The following GPC3 variants were observed in gnomAD, a reference collection of about 807,000 sequenced individuals.
GPC3 encodes the protein glypican-3.
GPC3 carries 3 observed loss-of-function variants against 34.4 expected under a neutral mutation model. The observed-to-expected ratio is 0.09, with a 90% CI of 0.04 to 0.23. GPC3 has a LOEUF of 0.23. Among genes scored for constraint, GPC3 ranks in the 10% least tolerant of loss-of-function variants. The probability of loss-of-function intolerance (pLI) is 1.00; values close to 1 mark genes in which losing one functional copy is unlikely to be tolerated. For synonymous variants in GPC3, 177 were observed against 174.0 expected, an observed-to-expected ratio of 1.02 and a Z score of -0.13; for missense variants, 351 against 445.6, an observed-to-expected ratio of 0.79 and a Z score of 1.91.
At chrX:133,814,402 C>T (rs1251699121) in intron 2 of GPC3, among the ~76,000 whole-genome samples, 2 of 111,168 alleles carry the variant, frequency 1.8e-5, no homozygotes, top group Non-Finnish European at 3.8e-5. Flanking sequence ...AAAACTGAGG[C>T]TTGTCTGCTC....
At chrX:133,787,085 T>G (rs1289145897) in intron 2 of GPC3, among the ~76,000 whole-genome samples, 3 of 112,042 alleles carry the variant, frequency 2.7e-5, no homozygotes, top group Non-Finnish European at 5.6e-5. Flanking sequence ...CACAAAGCAG[T>G]AGGTTCTCAA....
At chrX:133,787,205 A>T (rs1233193726) in intron 2 of GPC3, among the ~76,000 whole-genome samples, 1 of 112,465 alleles carries the variant, frequency 8.9e-6, no homozygotes, top group African/African-American at 3.2e-5. Flanking sequence ...GAAAGAGAAG[A>T]TTAGAGCCTC....
At chrX:133,675,879 C>A (rs973104573) in intron 5 of GPC3, among the ~76,000 whole-genome samples, 1 of 112,584 alleles carries the variant, frequency 8.9e-6, no homozygotes, top group Non-Finnish European at 1.9e-5. Context: ...TTCTCAGCCA[C>A]AGAACTTTAG....
intron 3 of GPC3, among the ~76,000 whole-genome samples, chrX:133,701,631 G>A (rs2071168772): frequency 8.9e-6 from 1 of 112,073 alleles, no homozygotes; most frequent in Non-Finnish European, 1.9e-5. Flanking sequence ...GTATTTCCAC[G>A]CTATTCAGAA....
At chrX:133,924,469 T>G (rs992370817) in intron 2 of GPC3, among the ~76,000 whole-genome samples, 1 of 111,934 alleles carries the variant, frequency 8.9e-6, no homozygotes, top group African/African-American at 3.3e-5. Context: ...ATTCTGGAAG[T>G]GCTAATTACC....
At chrX:133,786,394 G>GAAAGA (rs1401149909) in intron 2 of GPC3, among the ~76,000 whole-genome samples, 1 of 112,157 alleles carries the variant, frequency 8.9e-6, no homozygotes, top group East Asian at 2.8e-4. Flanking sequence ...AAACTCTGCC[G>GAAAGA]AAAGAAAAGA....
intron 4 of GPC3, among the ~76,000 whole-genome samples, chrX:133,694,490 G>A (rs2071094517): frequency 9.0e-6 from 1 of 111,228 alleles, no homozygotes; most frequent in Non-Finnish European, 1.9e-5. Flanking sequence ...GCTAATAGGA[G>A]AGATGTTCTG....
At chrX:133,588,342 G>A (rs183862978) in intron 7 of GPC3, among the ~76,000 whole-genome samples, 1 of 110,563 alleles carries the variant, frequency 9.0e-6, no homozygotes, top group African/African-American at 3.3e-5. Flanking sequence ...AATGTATTCC[G>A]AGTTCTGCAT....
intron 6 of GPC3, among the ~76,000 whole-genome samples, chrX:133,658,972 G>T (rs760844838): frequency 9.0e-6 from 1 of 111,609 alleles, no homozygotes; most frequent in African/African-American, 3.3e-5. Flanking sequence ...AATTAGACTC[G>T]CAGAAAGTAC....
chrX:133,904,910 ATC>A (rs1306187783), intron 2 of GPC3, among the ~76,000 whole-genome samples: 1 of 112,379 alleles, frequency 8.9e-6, no homozygotes, highest in African/African-American at 3.2e-5. Context: ...GAAAGTTGAC[ATC>A]TAAGTGCAAA....
chrX:133,763,226 C>A (rs1014927008), intron 2 of GPC3: 127 of 573,634 alleles, frequency 2.2e-4, no homozygotes, highest in Middle Eastern at 9.5e-4. Context: ...AATCTTCCCA[C>A]CATTGCTCTG....
At chrX:133,763,242 C>T in intron 2 of GPC3, 1 of 562,856 alleles carries the variant, frequency 1.8e-6, no homozygotes, top group South Asian at 2.2e-5. Context: ...CTCTGTGTCA[C>T]ACAGATTCTC....
chrX:133,612,169 C>T (rs2070119483), intron 6 of GPC3, among the ~76,000 whole-genome samples: 1 of 111,956 alleles, frequency 8.9e-6, no homozygotes, highest in Non-Finnish European at 1.9e-5. Flanking sequence ...TGGCCTTGCC[C>T]CACCCCATCC....
intron 1 of GPC3, among the ~76,000 whole-genome samples, chrX:133,977,827 G>C (rs964070150): frequency 8.9e-6 from 1 of 112,003 alleles, no homozygotes; most frequent in African/African-American, 3.2e-5. Context: ...TTGAAAGTTT[G>C]GCCTAATGCA....
chrX:133,797,371 A>G (rs1020126335), intron 2 of GPC3, among the ~76,000 whole-genome samples: 4 of 111,429 alleles, frequency 3.6e-5, no homozygotes, highest in African/African-American at 6.5e-5. Flanking sequence ...GACTTCTGCC[A>G]TATTTATTAC....
intron 2 of GPC3, among the ~76,000 whole-genome samples, chrX:133,783,187 T>C (rs903968309): frequency 5.4e-5 from 6 of 111,325 alleles, no homozygotes; most frequent in Non-Finnish European, 7.5e-5. Flanking sequence ...ATCCCTGATC[T>C]GAACTTCCGG....
At chrX:133,747,040 A>G (rs1374084793) in intron 3 of GPC3, among the ~76,000 whole-genome samples, 1 of 111,967 alleles carries the variant, frequency 8.9e-6, no homozygotes, top group African/African-American at 3.2e-5. Flanking sequence ...TTCCTGGCAC[A>G]CAAAAATAAA....
intron 5 of GPC3, among the ~76,000 whole-genome samples, chrX:133,669,115 C>A (rs1262586600): frequency 1.8e-5 from 2 of 111,639 alleles, no homozygotes; most frequent in Non-Finnish European, 3.8e-5. Flanking sequence ...AATAGCCATA[C>A]TTTGGGAGGC....
At chrX:133,594,823 T>C (rs1156525897) in intron 7 of GPC3, among the ~76,000 whole-genome samples, 1 of 110,717 alleles carries the variant, frequency 9.0e-6, no homozygotes, top group Non-Finnish European at 1.9e-5. Context: ...AGTATTGTAC[T>C]GTACACTTAA....
Sources: allele counts gnomAD v4.1 joint callset (sites outside exome capture counted in the v4.1 genomes callset), GRCh38; gene constraint gnomAD v4.1.1; transcripts MANE v1.5; gene names NCBI Gene and HGNC (gene_info 2026-07-23, HGNC 2026-07-21).